The following RBMS1 variants were observed in gnomAD, a reference collection of about 807,000 sequenced individuals.
RBMS1 encodes RNA binding motif single stranded interacting protein 1.
A neutral mutation model predicts 62.3 loss-of-function variants in RBMS1; 17 were observed. The ratio of observed to expected loss-of-function variants is 0.27; its 90% CI spans 0.19 to 0.41. The LOEUF is 0.41. Among genes scored for constraint, RBMS1 ranks in the 10% least tolerant of loss-of-function variants. The pLI is 1.00. For missense variants in RBMS1, 334 were observed against 504.5 expected (o/e 0.66, Z 3.24); for synonymous variants, 172 against 170.0 (o/e 1.01, Z -0.09).
At chr2:160,414,207 A>C (rs887511479) in intron 1 of RBMS1, among the ~76,000 whole-genome samples, 9 of 152,354 alleles carry the variant, frequency 5.9e-5, no homozygotes, top group Admixed American at 2.0e-4. Context: ...TATCGTGAAT[A>C]GTACAGGTAT....
At chr2:160,446,920 G>GA (rs1256727299) in intron 1 of RBMS1, among the ~76,000 whole-genome samples, 2 of 152,142 alleles carry the variant, frequency 1.3e-5, no homozygotes, top group African/African-American at 4.8e-5. Context: ...ATTGGCGCCT[G>GA]AAAGTTCCAA....
At chr2:160,490,861 C>A (rs1685793522) in intron 1 of RBMS1, among the ~76,000 whole-genome samples, 2 of 152,112 alleles carry the variant, frequency 1.3e-5, no homozygotes, top group Non-Finnish European at 2.9e-5. Context: ...ACAGAAGTTT[C>A]AAAATGACTC....
At chr2:160,313,099 T>C (rs1252912885) in intron 4 of RBMS1, 57 bp downstream of exon 4, 2 of 1,529,760 alleles carry the variant, frequency 1.3e-6, no homozygotes, top group Admixed American at 1.7e-5. Flanking sequence ...AGCAGACCTG[T>C]CGGGCTTCAC....
chr2:160,313,139 G>A lies in RBMS1; in HGVS notation c.402+17C>T. ...AAAGCTGTGGAACAGAGAAGCAATT[G>A]CTGGCTCTCAACTCACCTTTGCCAT... On this transcript the variant is annotated intron_variant, in intron 4 of 13. Coordinates refer to ENST00000348849, the MANE Select transcript of RBMS1 (RefSeq NM_016836.4). 2 of 1,610,484 alleles carry A rather than the reference G, an allele frequency of 1.2e-6. No individual in the cohort carries two copies. Among genetic ancestry groups the A allele is most frequent in the Non-Finnish European group, 1.7e-6 (2 of 1,177,538 alleles).
At position 160,272,633 on chromosome 2, in the gene RBMS1, G is replaced by A. The variant is rs981689994; in HGVS notation, c.*2139C>T. 18 of 152,096 alleles carry A rather than the reference G, an allele frequency of 1.2e-4. No homozygotes were observed. The highest frequency in any genetic ancestry group is 3.6e-4 in the African/African-American group (15 of 41,414). The allele number at this position is 152,096 out of a possible 1,614,324, so 9.4% of individuals were successfully genotyped here. A position where few individuals can be genotyped will look rare whatever the true frequency, so the allele number is the denominator to read the frequency against. On this transcript the variant is annotated 3_prime_UTR_variant, in exon 14 of 14. Coordinates refer to ENST00000348849, the MANE Select transcript of RBMS1 (RefSeq NM_016836.4). ...CTAATGCAAAAATATCAAGTAGTGAGAGACCCAGGTTTATAACTGTACTAG... is the reference window on the plus strand; with the variant it reads ...CTAATGCAAAAATATCAAGTAGTGAAAGACCCAGGTTTATAACTGTACTAG...
At chr2:160,279,273 T>G (rs1264572021) in intron 10 of RBMS1, 4 of 152,166 alleles carry the variant, frequency 2.6e-5, no homozygotes, top group Non-Finnish European at 5.9e-5. Flanking sequence ...CAGATATGAT[T>G]AATAATCTGA....
chr2:160,359,942 A>G (rs1693031628), intron 2 of RBMS1, among the ~76,000 whole-genome samples: 2 of 152,160 alleles, frequency 1.3e-5, no homozygotes, highest in Admixed American at 1.3e-4. Context: ...TATGACAGTA[A>G]GAATAACTTA....
At chr2:160,424,057 C>T (rs567346560) in intron 1 of RBMS1, among the ~76,000 whole-genome samples, 21 of 149,056 alleles carry the variant, frequency 1.4e-4, no homozygotes, top group South Asian at 2.1e-4. Context: ...CTCACTCTGT[C>T]GCCCAGGCTG....
chr2:160,425,264 TC>T (rs1312945941), intron 1 of RBMS1, among the ~76,000 whole-genome samples: 20 of 152,242 alleles, frequency 1.3e-4, no homozygotes, highest in African/African-American at 4.8e-4. Flanking sequence ...TTACAGTGAA[TC>T]CTTTTTAACC....
intron 1 of RBMS1, among the ~76,000 whole-genome samples, chr2:160,476,642 C>T (rs1685144906): frequency 6.7e-6 from 1 of 149,498 alleles, no homozygotes; most frequent in African/African-American, 2.5e-5. Flanking sequence ...GCAAGCTCCG[C>T]CTCCCGGGTT....
intron 6 of RBMS1, among the ~76,000 whole-genome samples, chr2:160,290,216 G>A (rs1203529616): frequency 6.7e-6 from 1 of 150,244 alleles, no homozygotes. Flanking sequence ...ACAGTAGCTT[G>A]TTCTATAGAG....
At chr2:160,438,716 C>G (rs932615844) in intron 1 of RBMS1, among the ~76,000 whole-genome samples, 19 of 152,348 alleles carry the variant, frequency 1.2e-4, no homozygotes, top group African/African-American at 4.1e-4. Flanking sequence ...ACCTTTCCCC[C>G]CTTTCTATTC....
chr2:160,434,429 C>G (rs1447682253), intron 1 of RBMS1, among the ~76,000 whole-genome samples: 1 of 152,014 alleles, frequency 6.6e-6, no homozygotes, highest in African/African-American at 2.4e-5. Flanking sequence ...TCCTTTTCCC[C>G]CCACATTGCT....
intron 1 of RBMS1, among the ~76,000 whole-genome samples, chr2:160,421,219 C>A (rs12475722): frequency 0.28 from 42,378 of 151,520 alleles, 6,421 homozygotes; most frequent in East Asian, 0.59. Flanking sequence ...ATATATATAC[C>A]TGTGCCCTGC....
intron 4 of RBMS1, among the ~76,000 whole-genome samples, chr2:160,304,146 A>G (rs1689361929): frequency 1.3e-5 from 2 of 152,150 alleles, no homozygotes; most frequent in African/African-American, 4.8e-5. Flanking sequence ...AGGACATGGC[A>G]TTGACTTGGG....
chr2:160,292,240 G>A (rs574135768), intron 6 of RBMS1, among the ~76,000 whole-genome samples: 3 of 152,266 alleles, frequency 2.0e-5, no homozygotes, highest in East Asian at 1.9e-4. Flanking sequence ...TAGTGACTCC[G>A]GGAAAGTTAT....
chr2:160,449,101 C>T (rs1683829528), intron 1 of RBMS1, among the ~76,000 whole-genome samples: 1 of 151,788 alleles, frequency 6.6e-6, no homozygotes. Flanking sequence ...CGCCCGGCAG[C>T]CGCCCCGTCT....
intron 11 of RBMS1, chr2:160,278,201 T>C: frequency 3.8e-6 from 1 of 261,624 alleles, no homozygotes; most frequent in Non-Finnish European, 7.4e-6. Flanking sequence ...CGAGAAATAA[T>C]TCCCTGCTTT....
chr2:160,340,291 C>T (rs572975177), intron 2 of RBMS1, among the ~76,000 whole-genome samples: 1 of 151,992 alleles, frequency 6.6e-6, no homozygotes, highest in African/African-American at 2.4e-5. Context: ...TAATTCTGCT[C>T]AATTCCAGTG....
Sources: gnomAD v4.1 joint callset for allele counts (sites outside exome capture counted in the v4.1 genomes callset) on GRCh38, gnomAD v4.1.1 for gene constraint, MANE v1.5 for transcripts, NCBI Gene and HGNC (gene_info 2026-07-23, HGNC 2026-07-21) for gene names.